SYT1: variants seen among roughly 807,000 people sequenced by gnomAD.
SYT1 encodes the protein synaptotagmin 1.
SYT1 carries 8 observed loss-of-function variants against 44.8 expected under a neutral mutation model. The ratio of observed to expected loss-of-function variants is 0.18; its 90% CI spans 0.10 to 0.32. The LOEUF (loss-of-function observed/expected upper bound fraction) is 0.32, where lower values mean the gene tolerates loss of function less well. Ranked by LOEUF, SYT1 falls within the 10% of genes least tolerant of loss-of-function variation. The pLI is 1.00. For missense variants in SYT1, 286 were observed against 509.3 expected (o/e 0.56, Z 4.22); for synonymous variants, 154 against 188.8 (o/e 0.82, Z 1.51).
chr12:79,107,867 C>CA (rs1427540205), intron 3 of SYT1, among the ~76,000 whole-genome samples: 1 of 151,724 alleles, frequency 6.6e-6, no homozygotes, highest in African/African-American at 2.4e-5. Context: ...GGAACTTTAC[C>CA]AATAAAACTA....
chr12:79,127,017 C>T (rs1292584158), intron 3 of SYT1, among the ~76,000 whole-genome samples: 1 of 152,174 alleles, frequency 6.6e-6, no homozygotes, highest in East Asian at 1.9e-4. Context: ...GAGTCTCTGG[C>T]AGCATCTCTC....
intron 2 of SYT1, among the ~76,000 whole-genome samples, chr12:79,035,200 G>T (rs1873051401): frequency 6.6e-6 from 1 of 151,610 alleles, no homozygotes; most frequent in Non-Finnish European, 1.5e-5. Flanking sequence ...CACACTGCTG[G>T]GTTTGAATAT....
chr12:79,123,055 G>A (rs1868305469), intron 3 of SYT1, among the ~76,000 whole-genome samples: 1 of 152,260 alleles, frequency 6.6e-6, no homozygotes, highest in South Asian at 2.1e-4. Context: ...ACAGAAACTT[G>A]TATGTTTAAT....
At chr12:79,371,583 T>C (rs901416629) in intron 9 of SYT1, among the ~76,000 whole-genome samples, 1 of 152,178 alleles carries the variant, frequency 6.6e-6, no homozygotes, top group Non-Finnish European at 1.5e-5. Flanking sequence ...CCAGAAGGAA[T>C]TTGTGTTCTA....
chr12:79,148,111 G>A (rs1207578423), intron 3 of SYT1, among the ~76,000 whole-genome samples: 1 of 152,160 alleles, frequency 6.6e-6, no homozygotes, highest in African/African-American at 2.4e-5. Flanking sequence ...GGCATGCAGT[G>A]CTGTGTGGGC....
intron 9 of SYT1, among the ~76,000 whole-genome samples, chr12:79,372,768 G>T (rs1018986885): frequency 1.3e-5 from 2 of 152,158 alleles, no homozygotes; most frequent in Non-Finnish European, 2.9e-5. Context: ...TGATCTCAGA[G>T]GGAGAGGAAA....
At chr12:79,279,677 A>G (rs562794287) in intron 4 of SYT1, among the ~76,000 whole-genome samples, 1 of 152,260 alleles carries the variant, frequency 6.6e-6, no homozygotes, top group African/African-American at 2.4e-5. Context: ...AAATAAAGAA[A>G]TAAAGAGCAT....
intron 3 of SYT1, among the ~76,000 whole-genome samples, chr12:79,076,862 G>A (rs973450498): frequency 1.3e-5 from 2 of 152,168 alleles, no homozygotes; most frequent in South Asian, 2.1e-4. Flanking sequence ...CCAGCTATGC[G>A]AGAGGCTGAG....
At chr12:79,250,159 G>A (rs1224820853) in intron 4 of SYT1, among the ~76,000 whole-genome samples, 3 of 152,092 alleles carry the variant, frequency 2.0e-5, no homozygotes, top group African/African-American at 7.2e-5. Flanking sequence ...ATCTAAAAGT[G>A]GTTGACAAAA....
At chr12:79,230,679 T>C (rs551724364) in intron 4 of SYT1, among the ~76,000 whole-genome samples, 2 of 152,310 alleles carry the variant, frequency 1.3e-5, no homozygotes, top group South Asian at 4.1e-4. Flanking sequence ...CTCCTTGGAT[T>C]TTGTTTTATA....
intron 1 of SYT1, among the ~76,000 whole-genome samples, chr12:78,962,999 A>T (rs58240979): frequency 0.014 from 2,095 of 152,062 alleles, 56 homozygotes; most frequent in African/African-American, 0.048. Flanking sequence ...CCACCATTCC[A>T]TTTTTTGATT....
intron 8 of SYT1, among the ~76,000 whole-genome samples, chr12:79,352,905 T>C (rs991321471): frequency 1.3e-5 from 2 of 152,198 alleles, no homozygotes; most frequent in Non-Finnish European, 2.9e-5. Context: ...GAATTAGGAA[T>C]AAAAGTTAGA....
chr12:78,887,002 T>A (rs569281082), intron 1 of SYT1, among the ~76,000 whole-genome samples: 2 of 151,996 alleles, frequency 1.3e-5, no homozygotes, highest in African/African-American at 4.8e-5. Flanking sequence ...GAAATAATGG[T>A]ATCCCATGAT....
At chr12:79,014,452 C>A (rs1871658957) in intron 2 of SYT1, among the ~76,000 whole-genome samples, 1 of 152,104 alleles carries the variant, frequency 6.6e-6, no homozygotes, top group African/African-American at 2.4e-5. Context: ...GCCAAAATCA[C>A]ATGAAAAAAT....
intron 1 of SYT1, among the ~76,000 whole-genome samples, chr12:78,974,683 G>T (rs189939912): frequency 6.6e-6 from 1 of 151,964 alleles, no homozygotes; most frequent in African/African-American, 2.4e-5. Context: ...TGATCCGCCC[G>T]CCTCAGCCTC....
At chr12:79,001,302 A>C (rs1870728260) in intron 2 of SYT1, among the ~76,000 whole-genome samples, 2 of 151,598 alleles carry the variant, frequency 1.3e-5, no homozygotes, top group Admixed American at 1.3e-4. Flanking sequence ...AGCCACTGTC[A>C]GTAGTACAGT....
intron 4 of SYT1, among the ~76,000 whole-genome samples, chr12:79,229,955 G>T (rs1875769500): frequency 6.6e-6 from 1 of 152,042 alleles, no homozygotes; most frequent in Non-Finnish European, 1.5e-5. Flanking sequence ...TATTTTGGGG[G>T]TCATTTTCAG....
At chr12:78,894,799 CA>C (rs1875264491) in intron 1 of SYT1, among the ~76,000 whole-genome samples, 1 of 151,346 alleles carries the variant, frequency 6.6e-6, no homozygotes, top group Non-Finnish European at 1.5e-5. Flanking sequence ...TTAACGGACA[CA>C]AAATTTCAGT....
At chr12:79,203,433 T>G (rs1271600145) in intron 3 of SYT1, among the ~76,000 whole-genome samples, 2 of 152,200 alleles carry the variant, frequency 1.3e-5, no homozygotes, top group South Asian at 2.1e-4. Context: ...TACGTCTTTT[T>G]AAAGGTTAGA....
Sources: gnomAD v4.1 joint callset for allele counts (sites outside exome capture counted in the v4.1 genomes callset) on GRCh38, gnomAD v4.1.1 for gene constraint, MANE v1.5 for transcripts, NCBI Gene and HGNC (gene_info 2026-07-23, HGNC 2026-07-21) for gene names.